TOP6BL: variants seen among roughly 807,000 people sequenced by gnomAD.
TOP6BL encodes the protein type 2 DNA topoisomerase 6 subunit B-like.
the TOP6BL span, among the ~76,000 whole-genome samples, chr11:66,753,476 T>G: frequency 6.7e-6 from 1 of 149,136 alleles, no homozygotes; most frequent in East Asian, 2.0e-4. Context: ...GCATGATCTC[T>G]GCTCACTGCA....
chr11:66,747,785 A>AT, the TOP6BL span, among the ~76,000 whole-genome samples: 4 of 151,706 alleles, frequency 2.6e-5, no homozygotes, highest in Admixed American at 1.3e-4. Flanking sequence ...CGCTGGGCTA[A>AT]TTTTTGTTGT....
At chr11:66,842,173 A>G in the TOP6BL span, among the ~76,000 whole-genome samples, 6 of 152,232 alleles carry the variant, frequency 3.9e-5, no homozygotes, top group African/African-American at 1.4e-4. Context: ...ACTGCACTCC[A>G]GCCTGGGCAA....
the TOP6BL span, among the ~76,000 whole-genome samples, chr11:66,745,301 TTGCGG>T: frequency 3.5e-5 from 1 of 28,348 alleles, no homozygotes; most frequent in East Asian, 9.8e-4. Context: ...AGCCCTGGCG[TTGCGG>T]GGCGGGGTGG....
chr11:66,765,511 TTTTG>T, the TOP6BL span, among the ~76,000 whole-genome samples: 7 of 152,132 alleles, frequency 4.6e-5, no homozygotes, highest in Non-Finnish European at 4.4e-5. Context: ...TAGTTATTCT[TTTTG>T]TTTGTTTGTT....
At chr11:66,820,772 G>A in the TOP6BL span, among the ~76,000 whole-genome samples, 23 of 152,128 alleles carry the variant, frequency 1.5e-4, no homozygotes, top group Non-Finnish European at 1.6e-4. Flanking sequence ...GTTGTTTATA[G>A]TACATGGTAT....
chr11:66,745,366 G>A, the TOP6BL span, among the ~76,000 whole-genome samples: 3 of 152,092 alleles, frequency 2.0e-5, no homozygotes, highest in African/African-American at 7.2e-5. Context: ...AGTGCAGACT[G>A]GGAGCGAGGG....
the TOP6BL span, among the ~76,000 whole-genome samples, chr11:66,824,453 AT>A: frequency 6.8e-6 from 1 of 146,376 alleles, no homozygotes; most frequent in Admixed American, 6.9e-5. Flanking sequence ...TATTATTATT[AT>A]TATTATTATA....
chr11:66,788,684 CT>C, the TOP6BL span, among the ~76,000 whole-genome samples: 1 of 152,164 alleles, frequency 6.6e-6, no homozygotes, highest in African/African-American at 2.4e-5. Flanking sequence ...CCTTACATGG[CT>C]TTTTTTCTGC....
At chr11:66,751,835 C>G in the TOP6BL span, among the ~76,000 whole-genome samples, 4 of 152,060 alleles carry the variant, frequency 2.6e-5, no homozygotes, top group African/African-American at 7.2e-5. Context: ...ACTATGATTA[C>G]TTTTCTTTAT....
chr11:66,787,074 C>T, the TOP6BL span, among the ~76,000 whole-genome samples: 1 of 152,006 alleles, frequency 6.6e-6, no homozygotes, highest in East Asian at 1.9e-4. Context: ...GCTGGGACTA[C>T]AGGAGCATGC....
the TOP6BL span, among the ~76,000 whole-genome samples, chr11:66,754,029 C>T: frequency 6.6e-6 from 1 of 152,210 alleles, no homozygotes; most frequent in Non-Finnish European, 1.5e-5. Flanking sequence ...CTTATTGCCA[C>T]AGCCCTGCAG....
At chr11:66,775,121 A>G in the TOP6BL span, among the ~76,000 whole-genome samples, 1 of 151,142 alleles carries the variant, frequency 6.6e-6, no homozygotes, top group African/African-American at 2.4e-5. Context: ...TCAAAAAAAA[A>G]AAAAAAAAAA....
the TOP6BL span, among the ~76,000 whole-genome samples, chr11:66,802,211 G>A: frequency 6.6e-6 from 1 of 151,742 alleles, no homozygotes; most frequent in African/African-American, 2.4e-5. Context: ...CCAGGCTGGA[G>A]TGCAGATCTC....
the TOP6BL span, chr11:66,758,909 T>C: frequency 2.1e-6 from 1 of 484,348 alleles, no homozygotes; most frequent in African/African-American, 1.9e-5. Context: ...GTTTCCATTT[T>C]TACCAAACTC....
chr11:66,795,155 A>G, the TOP6BL span, among the ~76,000 whole-genome samples: 1 of 152,026 alleles, frequency 6.6e-6, no homozygotes, highest in Admixed American at 6.6e-5. Context: ...ATATATATAT[A>G]TACAAAGAAG....
At chr11:66,759,187 C>A in the TOP6BL span, 2 of 853,626 alleles carry the variant, frequency 2.3e-6, no homozygotes, top group Non-Finnish European at 3.4e-6. Flanking sequence ...AAAGAAAGAG[C>A]TGACAGATTT....
chr11:66,800,816 C>T, the TOP6BL span: 5 of 1,006,738 alleles, frequency 5.0e-6, no homozygotes, highest in Non-Finnish European at 7.3e-6. Context: ...CACCTTGAAA[C>T]TAATTTTCTG....
chr11:66,751,155 A>G, the TOP6BL span, among the ~76,000 whole-genome samples: 1 of 152,008 alleles, frequency 6.6e-6, no homozygotes, highest in Non-Finnish European at 1.5e-5. Context: ...AGCTGGGACT[A>G]CAGGCATGTG....
the TOP6BL span, among the ~76,000 whole-genome samples, chr11:66,795,059 G>T: frequency 6.7e-6 from 1 of 149,914 alleles, no homozygotes; most frequent in African/African-American, 2.5e-5. Context: ...GCTTGAACCC[G>T]GGAGGCAGAG....
Sources: allele counts gnomAD v4.1 joint callset (sites outside exome capture counted in the v4.1 genomes callset), GRCh38; gene constraint gnomAD v4.1.1; transcripts MANE v1.5; gene names NCBI Gene and HGNC (gene_info 2026-07-23, HGNC 2026-07-21).